The following ARHGAP39 variants were observed in gnomAD, a reference collection of about 807,000 sequenced individuals.
ARHGAP39 encodes Rho GTPase activating protein 39.
Under a neutral mutation model 106.9 loss-of-function variants are expected in ARHGAP39, and 44 were observed. The observed-to-expected ratio is 0.41, with a 90% confidence interval of 0.32 to 0.53. The LOEUF is 0.53. Ranked by LOEUF, ARHGAP39 falls within the 20% of genes least tolerant of loss-of-function variation. ARHGAP39 has a pLI of 0.21. For synonymous variants in ARHGAP39, 768 were observed against 693.2 expected, an observed-to-expected ratio of 1.11 and a Z score of -1.69; for missense variants, 1,496 against 1,577.3, an observed-to-expected ratio of 0.95 and a Z score of 0.87.
intron 7 of ARHGAP39, among the ~76,000 whole-genome samples, chr8:144,534,527 G>T (rs1276099663): frequency 6.6e-6 from 1 of 152,224 alleles, no homozygotes; most frequent in Non-Finnish European, 1.5e-5. Context: ...TCCCTCCCCG[G>T]GGCCTGACCC....
chr8:144,545,416 T>A lies in ARHGAP39; in HGVS notation c.2354A>T (p.Tyr785Phe). 2 of 1,587,398 alleles carry A rather than the reference T, an allele frequency of 1.3e-6. No homozygotes were observed. Among genetic ancestry groups the A allele is most frequent in the Non-Finnish European group, 8.6e-7 (1 of 1,164,240 alleles). ...GGTGGTCTGCCGGCACAGCTGGATGTAGAGCTCGTCCCGCAGGCCCTGCAC... is the reference window on the plus strand; with the variant it reads ...GGTGGTCTGCCGGCACAGCTGGATGAAGAGCTCGTCCCGCAGGCCCTGCAC... ...WSVQGLRDELYIQLCRQTTEN... is the reference protein window; with the variant it reads ...WSVQGLRDELFIQLCRQTTEN... The change falls in exon 6 of 12, where the codon TAC (tyrosine) becomes TTC (phenylalanine). Residue 785 changes from tyrosine to phenylalanine, a missense_variant. Tyr to Phe is a conservative substitution (Grantham distance 22). Transcript: ENST00000377307.
chr8:144,608,675 A>G (rs1430014700), intron 1 of ARHGAP39, among the ~76,000 whole-genome samples: 1 of 152,224 alleles, frequency 6.6e-6, no homozygotes, highest in East Asian at 1.9e-4. Flanking sequence ...TGTTGAATCT[A>G]TCGATGAGTA....
chr8:144,692,542 A>G, the ARHGAP39 span, among the ~76,000 whole-genome samples: 1 of 152,140 alleles, frequency 6.6e-6, no homozygotes, highest in East Asian at 1.9e-4. Flanking sequence ...GCTCCTAGAC[A>G]TGACATCAGC....
intron 3 of ARHGAP39, among the ~76,000 whole-genome samples, chr8:144,572,877 T>TC (rs1818634138): frequency 6.6e-6 from 1 of 152,160 alleles, no homozygotes; most frequent in Non-Finnish European, 1.5e-5. Context: ...GAAAATATGC[T>TC]CATCACTGGC....
chr8:144,677,952 G>C (rs1397160539), intron 1 of ARHGAP39, among the ~76,000 whole-genome samples: 2 of 152,190 alleles, frequency 1.3e-5, no homozygotes, highest in African/African-American at 4.8e-5. Flanking sequence ...TTACAAGAGA[G>C]GCCCAGGAAG....
At chr8:144,599,484 A>C (rs1819760224) in intron 2 of ARHGAP39, among the ~76,000 whole-genome samples, 1 of 152,226 alleles carries the variant, frequency 6.6e-6, no homozygotes, top group African/African-American at 2.4e-5. Context: ...CACAATAGAA[A>C]CCCAGGAGAT....
chr8:144,579,518 C>A (rs1034457098), intron 3 of ARHGAP39, among the ~76,000 whole-genome samples: 3 of 152,136 alleles, frequency 2.0e-5, no homozygotes, highest in Non-Finnish European at 4.4e-5. Flanking sequence ...TCCCGGTGTG[C>A]TCCAGTGGCT....
intron 1 of ARHGAP39, among the ~76,000 whole-genome samples, chr8:144,621,852 T>C (rs1022976294): frequency 6.6e-6 from 1 of 152,186 alleles, no homozygotes; most frequent in Non-Finnish European, 1.5e-5. Context: ...CTCATGCTCA[T>C]GTTCTCCTAA....
At position 144,548,739 on chromosome 8, in the gene ARHGAP39, C is replaced by T. The variant is rs1001420287; in HGVS notation, c.597-250G>A. Reference sequence around the variant, plus strand: ...GCTCTGATCCCAGCTCCTGACCGGGCACAGGGCTGCTTCTGTAACTAGAAC... The same window carrying T: ...GCTCTGATCCCAGCTCCTGACCGGGTACAGGGCTGCTTCTGTAACTAGAAC... On this transcript the variant is annotated intron_variant, in intron 4 of 11. Transcript: ENST00000377307. The surrounding 1 kb of genome is among the most constrained non-coding windows in gnomAD (Gnocchi z 7.4). 6.6e-6 allele frequency among the ~76,000 whole-genome samples: 1 copy of T among 152,230 alleles called. No homozygotes were observed. Among genetic ancestry groups the T allele is most frequent in the Non-Finnish European group, 1.5e-5 (1 of 68,032 alleles).
chr8:144,643,093 T>A (rs1000533049), intron 1 of ARHGAP39, among the ~76,000 whole-genome samples: 2 of 152,252 alleles, frequency 1.3e-5, no homozygotes, highest in Middle Eastern at 3.4e-3. Flanking sequence ...CTGTCAATGA[T>A]CCCTTGTCTC....
chr8:144,633,883 A>T (rs1182980085), intron 1 of ARHGAP39, among the ~76,000 whole-genome samples: 3 of 152,256 alleles, frequency 2.0e-5, no homozygotes, highest in African/African-American at 7.2e-5. Flanking sequence ...ATCAGCACAC[A>T]ACAGGAAAAG....
At position 144,576,332 on chromosome 8, in the gene ARHGAP39, C is replaced by CAAA. The variant is rs67038997; in HGVS notation, c.512+4511_512+4513dup. On this transcript the variant is annotated intron_variant, in intron 3 of 11. Transcript: ENST00000377307. ...TGGGCGACAGAGTGAGACTCCGTCT[C>CAAA]AAAAAAAAAAAAAAAAAAAAAAAAA... 2.2e-3 allele frequency among the ~76,000 whole-genome samples: 142 copies of CAAA among 63,636 alleles called. 1 individual carries two copies. Among genetic ancestry groups the CAAA allele is most frequent in the Non-Finnish European group, 3.0e-3 (100 of 33,588 alleles). 41.7% of individuals were successfully genotyped at this position (63,636 alleles called of 152,430 possible). A position where few individuals can be genotyped will look rare whatever the true frequency, so the allele number is the denominator to read the frequency against.
intron 1 of ARHGAP39, among the ~76,000 whole-genome samples, chr8:144,618,301 G>A (rs143850602): frequency 1.2e-3 from 176 of 152,310 alleles, no homozygotes; most frequent in South Asian, 1.9e-3. Flanking sequence ...CAGGGCTGGT[G>A]CTGAGGGGTC....
rs779922907 is a variant in ARHGAP39, at chr8:144,632,457, G to A, written c.-81-26762C>T. The stretch of plus-strand genomic sequence containing the variant: ...ACTGCCTCTGCCTGGTGGCCTCAGC[G>A]TGCACGAGGACTGTGTGTCAATGAG... On this transcript the variant is annotated intron_variant, in intron 1 of 11. Transcript: ENST00000377307. Among the ~76,000 whole-genome samples, 179 of 152,236 alleles carry A rather than the reference G, an allele frequency of 1.2e-3. 3 individuals are homozygous for A. The highest frequency in any genetic ancestry group is 7.9e-4 in the Admixed American group (12 of 15,286).
chr8:144,635,698 C>A (rs909273851), intron 1 of ARHGAP39, among the ~76,000 whole-genome samples: 2 of 152,160 alleles, frequency 1.3e-5, no homozygotes, highest in African/African-American at 4.8e-5. Context: ...CTGAGTCTCC[C>A]GCTAGGTAGA....
At position 144,545,478 on chromosome 8, in the gene ARHGAP39, C is replaced by T. The variant is rs1817374144; in HGVS notation, c.2292G>A (p.Leu764=). The T allele has an allele frequency of 1.9e-6, 3 of 1,599,988 alleles. No homozygotes were observed. Among genetic ancestry groups the T allele is most frequent in the Non-Finnish European group, 2.6e-6 (3 of 1,169,922 alleles). The change falls in exon 6 of 12, where the codon CTG becomes CTA. Residue 764 remains leucine (L), a synonymous_variant. Coordinates refer to ENST00000377307, the MANE Select transcript of ARHGAP39 (RefSeq NM_025251.3). ...MGDRRAKADP[L]HVALEVATKG... ...TGGTGGCCACCTCCAGGGCCACGTG[C>T]AGTGGGTCGGCCTTGGCCCGCCGGT...
At chr8:144,546,129 C>A (rs961952237) in intron 5 of ARHGAP39, among the ~76,000 whole-genome samples, 5 of 152,194 alleles carry the variant, frequency 3.3e-5, no homozygotes, top group African/African-American at 1.2e-4. Flanking sequence ...GGGGGCTGAC[C>A]TCATTCTGCC....
At chr8:144,648,455 T>TCA (rs1342809079) in intron 1 of ARHGAP39, among the ~76,000 whole-genome samples, 7 of 152,128 alleles carry the variant, frequency 4.6e-5, no homozygotes, top group Non-Finnish European at 8.8e-5. Context: ...TCACAGACCC[T>TCA]CACTACAGAA....
intron 1 of ARHGAP39, among the ~76,000 whole-genome samples, chr8:144,673,665 C>A (rs886106284): frequency 6.6e-6 from 1 of 152,200 alleles, no homozygotes; most frequent in Non-Finnish European, 1.5e-5. Flanking sequence ...AGCCAGAAAC[C>A]GCTGTGGCCA....
Sources: gnomAD v4.1 joint callset for allele counts (sites outside exome capture counted in the v4.1 genomes callset) on GRCh38, gnomAD v4.1.1 for gene constraint, Gnocchi (gnomAD v3.1) non-coding constraint, MANE v1.5 for transcripts, NCBI Gene and HGNC (gene_info 2026-07-23, HGNC 2026-07-21) for gene names.